The following ZNF487 variants were observed in gnomAD, a reference collection of about 807,000 sequenced individuals.
ZNF487 encodes zinc finger protein 487.
ZNF487 carries 4 observed loss-of-function variants against 3.0 expected under a neutral mutation model. The observed-to-expected ratio is 1.35, with a 90% confidence interval of 0.66 to 3.08. ZNF487 has a LOEUF of 3.08. ZNF487 is among the 30% of genes most tolerant of loss of function. ZNF487 has a pLI of 0.01. For synonymous variants in ZNF487, 55 were observed against 34.6 expected (o/e 1.59, Z -2.06); for missense variants, 146 against 98.7 (o/e 1.48, Z -2.03).
intron 1 of ZNF487, among the ~76,000 whole-genome samples, chr10:43,461,591 G>A (rs1840434207): frequency 6.6e-6 from 1 of 152,088 alleles, no homozygotes; most frequent in Admixed American, 6.6e-5. Flanking sequence ...AAAACATCGG[G>A]ATTACAGGTA....
At chr10:43,460,214 G>A (rs1840379194) in intron 1 of ZNF487, among the ~76,000 whole-genome samples, 1 of 151,968 alleles carries the variant, frequency 6.6e-6, no homozygotes, top group South Asian at 2.1e-4. Flanking sequence ...ATTAACCTAT[G>A]GATTGAGTTA....
intron 1 of ZNF487, among the ~76,000 whole-genome samples, chr10:43,437,845 ATATTTATT>A (rs74788286): frequency 6.6e-5 from 10 of 151,548 alleles, no homozygotes; most frequent in African/African-American, 1.9e-4. Context: ...TTGGTTGGAA[ATATTTATT>A]TATTTATTTA....
At chr10:43,475,082 G>A (rs1167435493) in intron 1 of ZNF487, among the ~76,000 whole-genome samples, 3 of 152,094 alleles carry the variant, frequency 2.0e-5, no homozygotes, top group Non-Finnish European at 4.4e-5. Context: ...GGCATGTGCA[G>A]ACAAGACCCT....
intron 1 of ZNF487, among the ~76,000 whole-genome samples, chr10:43,448,995 G>GGA (rs1839910058): frequency 3.6e-5 from 2 of 56,336 alleles, no homozygotes; most frequent in African/African-American, 1.4e-4. Context: ...ACCTGTCTCC[G>GGA]AAAAAAAAAA....
chr10:43,499,019 G>T, the ZNF487 span, among the ~76,000 whole-genome samples: 1 of 152,016 alleles, frequency 6.6e-6, no homozygotes, highest in South Asian at 2.1e-4. Flanking sequence ...GTGTAAAAAG[G>T]ACAAACACAT....
the ZNF487 span, among the ~76,000 whole-genome samples, chr10:43,517,090 G>C: frequency 1.3e-5 from 2 of 152,188 alleles, no homozygotes; most frequent in Admixed American, 6.5e-5. Context: ...CATCTTCTGA[G>C]AAGATACTTT....
intron 3 of ZNF487, among the ~76,000 whole-genome samples, chr10:43,479,487 T>C (rs1208976959): frequency 6.6e-6 from 1 of 152,182 alleles, no homozygotes; most frequent in African/African-American, 2.4e-5. Flanking sequence ...ATGATGGAAT[T>C]GCTTGTAAGG....
the ZNF487 span, among the ~76,000 whole-genome samples, chr10:43,493,709 A>AAAAAAAAAAAAAAATATAT: frequency 2.3e-5 from 1 of 43,718 alleles, no homozygotes; most frequent in African/African-American, 8.7e-5. Flanking sequence ...AAAAAAAAAA[A>AAAAAAAAAAAAAAATATAT]ATATATATAT....
chr10:43,516,622 G>A, the ZNF487 span, among the ~76,000 whole-genome samples: 2 of 152,160 alleles, frequency 1.3e-5, no homozygotes, highest in East Asian at 3.8e-4. Context: ...ATGTTTGAGG[G>A]CAGGAAGCAT....
At position 43,462,884 on chromosome 10, in the gene ZNF487, C is replaced by T. The variant is rs371579792; in HGVS notation, c.-93-12837C>T. Reference sequence around the variant, plus strand: ...TCTTCGACTCAGGGGATCCTCCTGCCTCAGCCCCCTGAGTAGCTGGGACCA... The same window carrying T: ...TCTTCGACTCAGGGGATCCTCCTGCTTCAGCCCCCTGAGTAGCTGGGACCA... On this transcript the variant is annotated intron_variant, in intron 1 of 3. Coordinates refer to ENST00000437590, the MANE Select transcript of ZNF487 (RefSeq NM_001355444.3). Among the ~76,000 whole-genome samples the T allele has an allele frequency of 1.2e-4, 18 of 152,128 alleles. No homozygotes were observed. In the East Asian group the frequency reaches 2.3e-3, roughly 20 times the overall value.
chr10:43,454,508 TCTG>T (rs1840107156), intron 1 of ZNF487: 1 of 152,240 alleles, frequency 6.6e-6, no homozygotes, highest in African/African-American at 2.4e-5. Context: ...TTGTGAATGA[TCTG>T]CTGATTTGTG....
the ZNF487 span, among the ~76,000 whole-genome samples, chr10:43,519,592 C>T: frequency 9.2e-5 from 14 of 152,150 alleles, no homozygotes; most frequent in Admixed American, 7.9e-4. Context: ...CTCAGCCTCC[C>T]AAGCAGCTGG....
Position 43,482,515 on chromosome 10 carries a change from A to G in ZNF487, c.*593A>G, listed in dbSNP as rs1377224093. The G allele has an allele frequency of 2.1e-6, 1 of 484,152 alleles. No individual in the cohort carries two copies. The highest frequency in any genetic ancestry group is 4.2e-6 in the Non-Finnish European group (1 of 236,812). The allele number at this position is 484,152 out of a possible 1,614,324, so 30.0% of individuals were successfully genotyped here. ...ACCTATGAATGTAATGAATGTGGAA[A>G]AAACTTCTGTGAGAAGTCAAATCTT... On this transcript the variant is annotated 3_prime_UTR_variant, in exon 4 of 4. Transcript: ENST00000437590.
At chr10:43,453,117 C>T (rs916598750) in intron 1 of ZNF487, 2 of 152,018 alleles carry the variant, frequency 1.3e-5, no homozygotes, top group African/African-American at 4.8e-5. Context: ...CGGTGTCTGC[C>T]TGCTGGCAAT....
At chr10:43,506,857 T>C in the ZNF487 span, among the ~76,000 whole-genome samples, 116 of 152,060 alleles carry the variant, frequency 7.6e-4, 1 homozygote, top group African/African-American at 2.7e-3. Flanking sequence ...ACCCACAGGG[T>C]GAAGAGGAGG....
At chr10:43,520,214 C>T in the ZNF487 span, among the ~76,000 whole-genome samples, 2 of 151,738 alleles carry the variant, frequency 1.3e-5, no homozygotes, top group Admixed American at 1.3e-4. Flanking sequence ...TTAAATTTTT[C>T]TACCCCCAGA....
intron 1 of ZNF487, among the ~76,000 whole-genome samples, chr10:43,474,886 GT>G (rs1169496137): frequency 5.4e-5 from 8 of 149,396 alleles, no homozygotes; most frequent in African/African-American, 1.2e-4. Context: ...CTCAGCCTAG[GT>G]TTTTTTTTTA....
intron 1 of ZNF487, among the ~76,000 whole-genome samples, chr10:43,469,022 A>AAAGG (rs1354518081): frequency 6.6e-6 from 1 of 151,038 alleles, no homozygotes; most frequent in Non-Finnish European, 1.5e-5. Flanking sequence ...AAAGAAAAAG[A>AAAGG]AAGGAAGAGT....
the ZNF487 span, among the ~76,000 whole-genome samples, chr10:43,522,722 G>C: frequency 0.68 from 103,573 of 151,992 alleles, 35,657 homozygotes; most frequent in East Asian, 1. Flanking sequence ...CAAAGAGCTA[G>C]ATTCTGTCTC....
Sources: gnomAD v4.1 joint callset for allele counts (sites outside exome capture counted in the v4.1 genomes callset) on GRCh38, gnomAD v4.1.1 for gene constraint, MANE v1.5 for transcripts, NCBI Gene and HGNC (gene_info 2026-07-23, HGNC 2026-07-21) for gene names.